Variants in EYA4 observed in about 807,000 individuals in gnomAD.
EYA4 encodes protein phosphatase EYA4.
Under a neutral mutation model 87.9 loss-of-function variants are expected in EYA4, and 31 were observed. The ratio of observed to expected loss-of-function variants is 0.35; its 90% CI spans 0.27 to 0.48. The LOEUF is 0.48. Among genes scored for constraint, EYA4 ranks in the 20% least tolerant of loss-of-function variants. The pLI, the probability that EYA4 is intolerant of heterozygous loss-of-function variation, is 0.99. For missense variants in EYA4, 678 were observed against 761.4 expected (o/e 0.89, Z 1.29); for synonymous variants, 263 against 270.6 (o/e 0.97, Z 0.28).
chr6:133,316,573 G>A lies in EYA4; in HGVS notation c.33+41760G>A, dbSNP rs550428752. On this transcript the variant is annotated intron_variant, in intron 2 of 19. Transcript: ENST00000355286. ...ATTGACTTCAACCTACCAATTCCAC[G>A]ACTGTCGTTTTCTTCTTTAGTTACT... Among the ~76,000 whole-genome samples the A allele has an allele frequency of 9.9e-5, 15 of 152,224 alleles. No homozygotes were observed. In the East Asian group the frequency reaches 1.5e-3, roughly 16 times the overall value.
At chr6:133,386,701 G>A (rs1447057730) in intron 3 of EYA4, among the ~76,000 whole-genome samples, 1 of 152,168 alleles carries the variant, frequency 6.6e-6, no homozygotes, top group African/African-American at 2.4e-5. Flanking sequence ...GGGCTGTGAA[G>A]TGACTTATCA....
At chr6:133,505,553 T>G (rs1442487704) in intron 13 of EYA4, among the ~76,000 whole-genome samples, 1 of 152,148 alleles carries the variant, frequency 6.6e-6, no homozygotes, top group Non-Finnish European at 1.5e-5. Flanking sequence ...TCTTACCTTG[T>G]TGATAAAAAT....
At chr6:133,308,045 T>C (rs7449915) in intron 2 of EYA4, among the ~76,000 whole-genome samples, 92,343 of 151,918 alleles carry the variant, frequency 0.61, 28,542 homozygotes, top group Middle Eastern at 0.65. Context: ...TCTTGCCTGC[T>C]GCCATGTAAG....
In EYA4 at chr6:133,301,192, C is replaced by T. The variant is rs185730577; in HGVS notation, c.33+26379C>T. ...TTATAATCATAAGAGTATATTAAAC[C>T]ATCTTGATAAGAAATTTTAAACATG... On this transcript the variant is annotated intron_variant, in intron 2 of 19. Coordinates refer to ENST00000355286, the MANE Select transcript of EYA4 (RefSeq NM_004100.5). Among the ~76,000 whole-genome samples the T allele has an allele frequency of 3.1e-3, 473 of 152,074 alleles. 1 individual carries two copies. Among genetic ancestry groups the T allele is most frequent in the South Asian group, 8.9e-3 (43 of 4,818 alleles).
At chr6:133,374,935 T>G (rs972125586) in intron 2 of EYA4, among the ~76,000 whole-genome samples, 1 of 152,066 alleles carries the variant, frequency 6.6e-6, no homozygotes, top group Non-Finnish European at 1.5e-5. Context: ...TTGACCACCA[T>G]TTGGCAAAAT....
intron 13 of EYA4, among the ~76,000 whole-genome samples, chr6:133,495,945 T>C (rs1375618291): frequency 6.6e-6 from 1 of 152,196 alleles, no homozygotes; most frequent in East Asian, 1.9e-4. Context: ...TTAATAGTCT[T>C]TGAGAAAAGG....
chr6:133,281,038 A>G (rs1238845958), intron 2 of EYA4, among the ~76,000 whole-genome samples: 1 of 152,184 alleles, frequency 6.6e-6, no homozygotes, highest in Non-Finnish European at 1.5e-5. Context: ...ATGTTGTAGC[A>G]TGAATCAGTA....
intron 2 of EYA4, among the ~76,000 whole-genome samples, chr6:133,315,225 G>A (rs891923183): frequency 6.6e-6 from 1 of 152,114 alleles, no homozygotes; most frequent in Admixed American, 6.5e-5. Flanking sequence ...AGTCAGGGGA[G>A]GCTGCAGATA....
chr6:133,507,277 C>T (rs1798722430), intron 14 of EYA4: 1 of 152,148 alleles, frequency 6.6e-6, no homozygotes, highest in South Asian at 2.1e-4. Flanking sequence ...GAATTTGAAG[C>T]AGATTTGCGT....
chr6:133,263,354 G>A (rs931653240), intron 1 of EYA4, among the ~76,000 whole-genome samples: 7 of 152,204 alleles, frequency 4.6e-5, no homozygotes, highest in African/African-American at 1.7e-4. Context: ...ACAAGATCTG[G>A]GTGCTTAAAT....
chr6:133,467,982 C>T (rs1172068866), intron 10 of EYA4, among the ~76,000 whole-genome samples: 2 of 151,880 alleles, frequency 1.3e-5, no homozygotes, highest in African/African-American at 4.8e-5. Flanking sequence ...GACTTTAAAT[C>T]AAGGCCTCAG....
chr6:133,304,977 C>T (rs1267899404), intron 2 of EYA4, among the ~76,000 whole-genome samples: 5 of 151,838 alleles, frequency 3.3e-5, no homozygotes, highest in Non-Finnish European at 5.9e-5. Context: ...AGGTTAGGAG[C>T]GAGGAAGAGG....
chr6:133,335,347 G>T (rs940631529), intron 2 of EYA4, among the ~76,000 whole-genome samples: 1 of 152,086 alleles, frequency 6.6e-6, no homozygotes, highest in South Asian at 2.1e-4. Context: ...TCTTTAAATT[G>T]TCCTAAACAT....
rs543853254 is a variant in EYA4, at chr6:133,246,686, A to G, written c.-66+4937A>G. On this transcript the variant is annotated intron_variant, in intron 1 of 19. Transcript: ENST00000355286. ...TGGTCACTGTAGTCTTTAGATAATTACAATTTGGCTGTCATTATTACTATA... is the reference window on the plus strand; with the variant it reads ...TGGTCACTGTAGTCTTTAGATAATTGCAATTTGGCTGTCATTATTACTATA... 3.0e-4 allele frequency among the ~76,000 whole-genome samples: 45 copies of G among 152,298 alleles called. 1 individual carries two copies. The highest frequency in any genetic ancestry group is 1.1e-3 in the African/African-American group (44 of 41,568).
In EYA4 at chr6:133,484,742, G is replaced by C. The variant is rs540864109; in HGVS notation, c.1191+1627G>C. On this transcript the variant is annotated intron_variant, in intron 13 of 19. Transcript: ENST00000355286. ...TTTGTGCAGCTAAGTTTCATATTAG[G>C]TAAGTGTTTAAAATAAACAATCTAA... 1.6e-3 allele frequency among the ~76,000 whole-genome samples: 245 copies of C among 152,280 alleles called. 1 individual carries two copies. The highest frequency in any genetic ancestry group is 5.5e-3 in the African/African-American group (230 of 41,556).
chr6:133,350,516 T>C (rs1040037858), intron 2 of EYA4, among the ~76,000 whole-genome samples: 1 of 152,016 alleles, frequency 6.6e-6, no homozygotes, highest in Non-Finnish European at 1.5e-5. Flanking sequence ...GCAGAGCTTC[T>C]AGACAATGGG....
chr6:133,423,917 A>G (rs990150339), intron 3 of EYA4, among the ~76,000 whole-genome samples: 1 of 152,190 alleles, frequency 6.6e-6, no homozygotes, highest in Non-Finnish European at 1.5e-5. Context: ...AGGTACACAG[A>G]CAAGTGAAGA....
intron 2 of EYA4, among the ~76,000 whole-genome samples, chr6:133,350,814 G>A (rs1391313925): frequency 2.6e-5 from 4 of 151,894 alleles, no homozygotes; most frequent in African/African-American, 9.7e-5. Context: ...TTTAGCTTTA[G>A]AAATTGCATT....
intron 19 of EYA4, among the ~76,000 whole-genome samples, chr6:133,526,925 A>G (rs1274113512): frequency 6.6e-6 from 1 of 152,236 alleles, no homozygotes; most frequent in African/African-American, 2.4e-5. Flanking sequence ...AAGGACTAAT[A>G]TAATTCAGTT....
Sources: gnomAD v4.1 joint callset for allele counts (sites outside exome capture counted in the v4.1 genomes callset) on GRCh38, gnomAD v4.1.1 for gene constraint, MANE v1.5 for transcripts, NCBI Gene and HGNC (gene_info 2026-07-23, HGNC 2026-07-21) for gene names.